Variants in TMEM67 observed in about 807,000 individuals in gnomAD.
TMEM67 encodes the protein meckelin.
In TMEM67, 124 loss-of-function variants were observed where a neutral mutation model predicts 136.6. That is an observed-to-expected ratio of 0.91 (90% confidence interval 0.78 to 1.05). TMEM67 has a LOEUF of 1.05. Ranked by LOEUF, TMEM67 falls within the 50% of genes least tolerant of loss-of-function variation. The probability of loss-of-function intolerance (pLI) is 0.00; values close to 1 mark genes in which losing one functional copy is unlikely to be tolerated. For synonymous variants in TMEM67, 364 were observed against 390.5 expected, an observed-to-expected ratio of 0.93 and a Z score of 0.80; for missense variants, 1,107 against 1,178.4, an observed-to-expected ratio of 0.94 and a Z score of 0.89.
chr8:93,765,641 G>C lies in TMEM67; in HGVS notation c.646G>C (p.Glu216Gln). ...LRRISAARYG[E>Q]VGMSLTSEWF... The stretch of plus-strand genomic sequence containing the variant: ...TAGAATTTCAGCTGCACGTTATGGA[G>C]AAGTTGTGAGTATGTTTCAATTTTT... Residue 216 changes from glutamate (E) to glutamine (Q), a missense_variant, in exon 6 of 28, where the codon GAA (glutamate) becomes CAA (glutamine). Glu to Gln is a conservative substitution (Grantham distance 29). This residue lies in a region of TMEM67 where 925 missense variants were observed against 1,002.4 expected (regional missense o/e 0.92). Coordinates refer to ENST00000453321, the MANE Select transcript of TMEM67 (RefSeq NM_153704.6). The C allele has an allele frequency of 6.2e-7, 1 of 1,608,734 alleles. No individual in the cohort carries two copies. The highest frequency in any genetic ancestry group is 8.5e-7 in the Non-Finnish European group (1 of 1,175,088).
intron 7 of TMEM67, among the ~76,000 whole-genome samples, chr8:93,778,135 G>A (rs907641011): frequency 2.0e-5 from 3 of 152,122 alleles, no homozygotes; most frequent in Non-Finnish European, 2.9e-5. Flanking sequence ...TTTGATCTTT[G>A]TTGGTTTAAA....
downstream of TMEM67, among the ~76,000 whole-genome samples, chr8:93,819,886 G>C (rs769941583): frequency 2.0e-5 from 3 of 152,070 alleles, no homozygotes; most frequent in Non-Finnish European, 4.4e-5. Context: ...AGTTCTTTTA[G>C]ACAGCAAAGA....
intron 15 of TMEM67, chr8:93,791,776 A>G (rs1814386465): frequency 6.5e-6 from 1 of 153,002 alleles, no homozygotes; most frequent in African/African-American, 2.4e-5. Flanking sequence ...TGATGCTATA[A>G]TAATAAATAA....
chr8:93,809,102 G>A lies in TMEM67; in HGVS notation c.2602G>A (p.Glu868Lys). 6.2e-7 allele frequency: 1 copy of A among 1,611,774 alleles called. No homozygotes were observed. The highest frequency in any genetic ancestry group is 8.5e-7 in the Non-Finnish European group (1 of 1,178,506). ...RLLSSSASTF[E>K]QSIKAYHMMN... ...ACTGAGTTCATCAGCAAGTACTTTT[G>A]AGCAGAGTATAAAAGCATATCATAT... The change falls in exon 25 of 28, where the codon GAG becomes AAG. Residue 868 changes from glutamate to lysine, a missense_variant. Physicochemically the swap from Glu to Lys is moderately conservative, Grantham distance 56. Coordinates refer to ENST00000453321, the MANE Select transcript of TMEM67 (RefSeq NM_153704.6).
At chr8:93,803,471 T>C in intron 21 of TMEM67, 133 bp from the exon 22 acceptor site, 1 of 598,294 alleles carries the variant, frequency 1.7e-6, no homozygotes, top group Non-Finnish European at 3.0e-6. Flanking sequence ...AGTAGGACTT[T>C]ATCACATAGG....
intron 20 of TMEM67, among the ~76,000 whole-genome samples, chr8:93,798,182 C>A (rs185254454): frequency 2.0e-5 from 3 of 152,182 alleles, no homozygotes; most frequent in African/African-American, 7.2e-5. Context: ...GTGTGTTTGA[C>A]TGCTCTAGGT....
intron 14 of TMEM67, 26 bp downstream of exon 14, chr8:93,787,975 T>A (rs775363129): frequency 9.9e-6 from 15 of 1,514,678 alleles, no homozygotes; most frequent in Non-Finnish European, 1.4e-5. Context: ...ATTAGTGCCC[T>A]TGTATGTATA....
At chr8:93,815,854 C>T (rs116026843) in intron 27 of TMEM67, among the ~76,000 whole-genome samples, 1 of 152,374 alleles carries the variant, frequency 6.6e-6, no homozygotes, top group South Asian at 2.1e-4. Flanking sequence ...ACACCTCCCC[C>T]ACCTGTGTGG....
At chr8:93,822,345 G>A (rs1175537961), downstream of TMEM67, among the ~76,000 whole-genome samples, 1 of 152,188 alleles carries the variant, frequency 6.6e-6, no homozygotes, top group Non-Finnish European at 1.5e-5. Context: ...ACCATGTGTG[G>A]GCAAGAATGT....
Position 93,781,712 on chromosome 8 carries a change from A to G in TMEM67, c.1033A>G (p.Lys345Glu), listed in dbSNP as rs764304394. 5.0e-6 allele frequency: 8 copies of G among 1,610,466 alleles called. No individual in the cohort carries two copies. In the Admixed American group the frequency reaches 8.4e-5, roughly 17 times the overall value. The change falls in exon 10 of 28, where the codon AAG becomes GAG. Residue 345 changes from lysine (K) to glutamate (E), a missense_variant. By Grantham distance (56) the Lys-to-Glu change is moderately conservative. Around this residue, in one of 3 missense-constraint regions of TMEM67, gnomAD observed 925 missense variants for 1,002.4 expected, o/e 0.92. Transcript: ENST00000453321. The part of the protein sequence containing the change: ...ASYDIRGNFL[K>E]WQTLEGGVLQ... ...CTATGATATAAGAGGAAATTTTCTCAAGTGGCAAACTTTAGAAGGAGGTGT... is the reference window on the plus strand; with the variant it reads ...CTATGATATAAGAGGAAATTTTCTCGAGTGGCAAACTTTAGAAGGAGGTGT...
At chr8:93,794,037 G>C (rs1007406247) in intron 16 of TMEM67, among the ~76,000 whole-genome samples, 3 of 151,912 alleles carry the variant, frequency 2.0e-5, no homozygotes, top group Non-Finnish European at 4.4e-5. Flanking sequence ...AATTACAGGC[G>C]CACACCACCA....
In TMEM67 at chr8:93,814,640, TTTTC is replaced by T. The variant is rs1438177437; in HGVS notation, c.2765-653_2765-650del. 5.3e-5 allele frequency among the ~76,000 whole-genome samples: 8 copies of T among 151,056 alleles called. No individual in the cohort carries two copies. In the South Asian group the frequency reaches 1.2e-3, roughly 24 times the overall value. On this transcript the variant is annotated intron_variant, in intron 26 of 27. Transcript: ENST00000453321. ...CACCAGCAGACCCACCAGACCTAGC[TTTTC>T]TTTCTTTCTTTTTTTTTTTTTTTGT...
At chr8:93,814,016 A>C (rs796985853) in intron 26 of TMEM67, among the ~76,000 whole-genome samples, 17 of 151,764 alleles carry the variant, frequency 1.1e-4, no homozygotes, top group African/African-American at 3.9e-4. Flanking sequence ...CATTACCAGC[A>C]CTCCACATGC....
At chr8:93,771,387 T>C (rs975028325) in intron 6 of TMEM67, among the ~76,000 whole-genome samples, 1 of 152,156 alleles carries the variant, frequency 6.6e-6, no homozygotes, top group Non-Finnish European at 1.5e-5. Flanking sequence ...TCAGCATAGC[T>C]CCTGTGTTGT....
chr8:93,776,258 C>T (rs1253165685), intron 7 of TMEM67, among the ~76,000 whole-genome samples: 4 of 152,188 alleles, frequency 2.6e-5, no homozygotes, highest in African/African-American at 4.8e-5. Flanking sequence ...GGGGCTGAGA[C>T]AATGGGGTTT....
At chr8:93,772,818 A>C (rs1023181123) in intron 7 of TMEM67, among the ~76,000 whole-genome samples, 167 bp downstream of exon 7, 1 of 152,214 alleles carries the variant, frequency 6.6e-6, no homozygotes, top group Non-Finnish European at 1.5e-5. Context: ...CATGAAGAAG[A>C]TGTTATTTAG....
intron 7 of TMEM67, among the ~76,000 whole-genome samples, chr8:93,773,627 T>C (rs907758328): frequency 6.6e-6 from 1 of 152,174 alleles, no homozygotes; most frequent in Non-Finnish European, 1.5e-5. Context: ...AAGTTCAAAG[T>C]TTTTCACATG....
chr8:93,765,075 G>A (rs1008699535), intron 4 of TMEM67, among the ~76,000 whole-genome samples: 14 of 152,102 alleles, frequency 9.2e-5, no homozygotes, highest in African/African-American at 3.4e-4. Flanking sequence ...ATAACTAATT[G>A]TAAAAATTGG....
chr8:93,758,503 C>T lies in TMEM67; in HGVS notation c.333C>T (p.Gly111=), dbSNP rs768929156. The change falls in exon 3 of 28, where the codon GGC becomes GGT. Residue 111 remains glycine, a synonymous_variant. Coordinates refer to ENST00000453321, the MANE Select transcript of TMEM67 (RefSeq NM_153704.6). Reference sequence around the variant, plus strand: ...TTTAGAAAGGTGTTACAGAAGATGGCTGGAACTGCATTTCTTGCCCTAGTG... The same window carrying T: ...TTTAGAAAGGTGTTACAGAAGATGGTTGGAACTGCATTTCTTGCCCTAGTG... ...PENMKGVTED[G]WNCISCPSDL... 7 of 1,613,516 alleles carry T rather than the reference C, an allele frequency of 4.3e-6. No homozygotes were observed. The East Asian group carries it at 1.1e-4, about 26-fold the overall frequency.
Sources: gnomAD v4.1 joint callset for allele counts (sites outside exome capture counted in the v4.1 genomes callset) on GRCh38, gnomAD v4.1.1 for gene constraint, gnomAD v4.1.1 regional missense constraint, MANE v1.5 for transcripts, NCBI Gene and HGNC (gene_info 2026-07-23, HGNC 2026-07-21) for gene names.